Variants in MSRA observed in about 807,000 individuals in gnomAD.
MSRA encodes the protein methionine sulfoxide reductase A.
In MSRA, 54 loss-of-function variants were observed where a neutral mutation model predicts 31.3. That is an observed-to-expected ratio of 1.73 (90% CI 1.39 to 2.17). MSRA has a LOEUF of 2.17. MSRA is among the 30% of genes most tolerant of loss of function. The pLI, the probability that MSRA is intolerant of heterozygous loss-of-function variation, is 0.00. For synonymous variants in MSRA, 169 were observed against 116.5 expected, an observed-to-expected ratio of 1.45 and a Z score of -2.90; for missense variants, 507 against 300.9, an observed-to-expected ratio of 1.69 and a Z score of -5.07.
intron 5 of MSRA, among the ~76,000 whole-genome samples, chr8:10,338,433 G>A (rs1803198687): frequency 6.6e-6 from 1 of 152,134 alleles, no homozygotes; most frequent in African/African-American, 2.4e-5. Context: ...TTGCACAGCA[G>A]GGTGACTGTA....
intron 2 of MSRA, among the ~76,000 whole-genome samples, chr8:10,231,066 A>G (rs556708848): frequency 6.6e-5 from 10 of 152,258 alleles, no homozygotes; most frequent in African/African-American, 2.4e-4. Context: ...GATTACAGGC[A>G]TCAGCCACCG....
intron 1 of MSRA, among the ~76,000 whole-genome samples, chr8:10,165,561 C>T (rs1383220098): frequency 6.6e-6 from 1 of 152,146 alleles, no homozygotes; most frequent in Admixed American, 6.5e-5. Context: ...GTACCTGGGT[C>T]ACCTGCCAGA....
chr8:10,070,633 T>C (rs1398188397), intron 1 of MSRA, among the ~76,000 whole-genome samples: 2 of 152,182 alleles, frequency 1.3e-5, no homozygotes, highest in Admixed American at 6.5e-5. Context: ...TGCTGCATTT[T>C]TATAGCCACA....
At chr8:10,252,421 T>C (rs1215094727) in intron 3 of MSRA, among the ~76,000 whole-genome samples, 1 of 152,202 alleles carries the variant, frequency 6.6e-6, no homozygotes, top group Non-Finnish European at 1.5e-5. Context: ...CTGGATTTTT[T>C]CACCAGTATT....
chr8:10,327,994 C>G (rs1402135315), intron 5 of MSRA, among the ~76,000 whole-genome samples: 3 of 123,926 alleles, frequency 2.4e-5, no homozygotes, highest in Admixed American at 8.2e-5. Context: ...TGCTGCTTTT[C>G]TTTAGCATAG....
At chr8:10,381,223 A>C (rs1806050306) in intron 5 of MSRA, among the ~76,000 whole-genome samples, 1 of 150,666 alleles carries the variant, frequency 6.6e-6, no homozygotes, top group Non-Finnish European at 1.5e-5. Context: ...CCCACCACCC[A>C]CTCTCCCATG....
intron 1 of MSRA, among the ~76,000 whole-genome samples, chr8:10,093,746 C>G (rs1435636808): frequency 1.3e-5 from 2 of 152,174 alleles, no homozygotes; most frequent in African/African-American, 4.8e-5. Flanking sequence ...GATTTACTGT[C>G]TAGTGTCTTT....
rs139800050 is a variant in MSRA at position 10,087,719 on chromosome 8, A to G, written c.142+33061A>G. ...TAGCTCACATTGTAAATATTCTGAG[A>G]GTGCCATACCCTCAAGGTTTCTTGT... On this transcript the variant is annotated intron_variant, in intron 1 of 5. Coordinates refer to ENST00000317173, the MANE Select transcript of MSRA (RefSeq NM_012331.5). 3.0e-3 allele frequency among the ~76,000 whole-genome samples: 461 copies of G among 152,304 alleles called. 2 individuals carry two copies. Among genetic ancestry groups the G allele is most frequent in the Non-Finnish European group, 5.3e-3 (362 of 68,012 alleles).
chr8:10,156,794 C>CGATAA (rs1804190116), intron 1 of MSRA, among the ~76,000 whole-genome samples: 1 of 145,060 alleles, frequency 6.9e-6, no homozygotes, highest in Non-Finnish European at 1.5e-5. Context: ...GGTTCTGTAT[C>CGATAA]GATAAGCTTC....
At chr8:10,389,740 C>CTT (rs35603997) in intron 5 of MSRA, among the ~76,000 whole-genome samples, 2 of 109,282 alleles carry the variant, frequency 1.8e-5, no homozygotes, top group Admixed American at 9.6e-5. Flanking sequence ...CAGAAGCTTG[C>CTT]TTTTTTTTTT....
chr8:10,420,325 A>T (rs1808733140), intron 5 of MSRA, among the ~76,000 whole-genome samples: 3 of 149,634 alleles, frequency 2.0e-5, no homozygotes, highest in Admixed American at 6.7e-5. Context: ...TCCTATTTGT[A>T]TTTTTATTAG....
intron 1 of MSRA, among the ~76,000 whole-genome samples, chr8:10,088,746 A>G (rs1325535659): frequency 1.3e-5 from 2 of 152,028 alleles, no homozygotes; most frequent in Non-Finnish European, 2.9e-5. Context: ...AGAAAAAAAA[A>G]GTCTATCAAG....
At chr8:10,217,960 T>C (rs1169289902) in intron 2 of MSRA, among the ~76,000 whole-genome samples, 1 of 152,108 alleles carries the variant, frequency 6.6e-6, no homozygotes, top group Non-Finnish European at 1.5e-5. Flanking sequence ...AGAAATTAAA[T>C]AATTCAGCCT....
chr8:10,262,560 A>G (rs1259410014), intron 3 of MSRA, among the ~76,000 whole-genome samples: 1 of 151,536 alleles, frequency 6.6e-6, no homozygotes, highest in Non-Finnish European at 1.5e-5. Flanking sequence ...CCCATTTTTT[A>G]TTTGGGTTGT....
At chr8:10,399,417 C>T (rs1019036165) in intron 5 of MSRA, among the ~76,000 whole-genome samples, 4 of 152,158 alleles carry the variant, frequency 2.6e-5, no homozygotes, top group African/African-American at 7.2e-5. Flanking sequence ...AATGGCTTAG[C>T]GCCATCTCCT....
rs570831364 is a variant in MSRA, at chr8:10,384,939, C to G, written c.544-43209C>G. On this transcript the variant is annotated intron_variant, in intron 5 of 5. Transcript: ENST00000317173. ...ATCACTTGAGCCGAGGAGGTTGAGG[C>G]TACAGTAAGCCGTGATTGGGCCACT... 6.6e-5 allele frequency among the ~76,000 whole-genome samples: 10 copies of G among 152,074 alleles called. No individual in the cohort carries two copies. In the East Asian group the frequency reaches 1.7e-3, roughly 27 times the overall value.
chr8:10,286,328 T>A (rs1425054627), intron 3 of MSRA, among the ~76,000 whole-genome samples: 1 of 152,176 alleles, frequency 6.6e-6, no homozygotes, highest in East Asian at 1.9e-4. Context: ...GGGGCAGGTC[T>A]TTCTGGTGCT....
chr8:10,146,567 A>G (rs543822545), intron 1 of MSRA, among the ~76,000 whole-genome samples: 2 of 152,160 alleles, frequency 1.3e-5, no homozygotes, highest in South Asian at 4.1e-4. Context: ...TACCAGGGGT[A>G]TTTTGGGGGT....
chr8:10,244,716 T>C (rs1015014394), intron 2 of MSRA, among the ~76,000 whole-genome samples: 5 of 152,246 alleles, frequency 3.3e-5, no homozygotes, highest in Admixed American at 2.6e-4. Flanking sequence ...TAAAATATTT[T>C]TTTAAAAATA....
Sources: gnomAD v4.1 joint callset for allele counts (sites outside exome capture counted in the v4.1 genomes callset) on GRCh38, gnomAD v4.1.1 for gene constraint, MANE v1.5 for transcripts, NCBI Gene and HGNC (gene_info 2026-07-23, HGNC 2026-07-21) for gene names.